Variants in NTAQ1 observed in about 807,000 individuals in gnomAD.
NTAQ1 encodes the protein protein N-terminal glutamine amidohydrolase.
A neutral mutation model predicts 28.2 loss-of-function variants in NTAQ1; 21 were observed. The ratio of observed to expected loss-of-function variants is 0.74; its 90% CI spans 0.53 to 1.07. The LOEUF (loss-of-function observed/expected upper bound fraction) is 1.07, where lower values mean the gene tolerates loss of function less well. NTAQ1 is among the 50% of genes least tolerant of loss of function. NTAQ1 has a pLI of 0.00. For synonymous variants in NTAQ1, 105 were observed against 90.0 expected, an observed-to-expected ratio of 1.17 and a Z score of -0.94; for missense variants, 264 against 256.6, an observed-to-expected ratio of 1.03 and a Z score of -0.20.
chr8:123,454,516 C>T (rs574988259), intron 6 of NTAQ1, among the ~76,000 whole-genome samples: 2 of 152,192 alleles, frequency 1.3e-5, no homozygotes, highest in South Asian at 2.1e-4. Context: ...TACAGGCATG[C>T]GCCACTATGC....
intron 1 of NTAQ1, among the ~76,000 whole-genome samples, chr8:123,423,317 T>TC (rs1813834510): frequency 9.6e-6 from 1 of 104,612 alleles, no homozygotes; most frequent in Non-Finnish European, 2.1e-5. Flanking sequence ...CTTCTCTTCT[T>TC]TTTTCTTTCT....
At chr8:123,445,939 T>TG (rs1759506332), downstream of NTAQ1, among the ~76,000 whole-genome samples, 1 of 151,568 alleles carries the variant, frequency 6.6e-6, no homozygotes, top group Non-Finnish European at 1.5e-5. Flanking sequence ...GGCTGCTGGT[T>TG]GTCCCACCAA....
At chr8:123,423,249 CTCCTTCCCTCCT>C (rs1483873763) in intron 1 of NTAQ1, among the ~76,000 whole-genome samples, 3 of 144,236 alleles carry the variant, frequency 2.1e-5, no homozygotes, top group Non-Finnish European at 4.5e-5. Flanking sequence ...CCTTCCCTCC[CTCCTTCCCTCCT>C]TTCTTTCTGT....
In NTAQ1 at chr8:123,436,505, A is replaced by G. The variant is rs768822462; in HGVS notation, c.287A>G (p.Tyr96Cys). 11 of 1,613,880 alleles carry G rather than the reference A, an allele frequency of 6.8e-6. No homozygotes were observed. The South Asian group carries it at 1.1e-4, about 16-fold the overall frequency. ...HVSSGGQNFIYDLDTVLPFPC... is the reference protein window; with the variant it reads ...HVSSGGQNFICDLDTVLPFPC... ...TCAAGTGGAGGACAGAACTTCATTTATGATCTCGATACTGTCTTGCCATTT... is the reference window on the plus strand; with the variant it reads ...TCAAGTGGAGGACAGAACTTCATTTGTGATCTCGATACTGTCTTGCCATTT... The change falls in exon 4 of 6, where the codon TAT becomes TGT. Residue 96 changes from tyrosine to cysteine, a missense_variant. Coordinates refer to ENST00000287387, the MANE Select transcript of NTAQ1 (RefSeq NM_018024.3).
At chr8:123,457,391 A>G (rs949991435) in intron 6 of NTAQ1, among the ~76,000 whole-genome samples, 1 of 152,154 alleles carries the variant, frequency 6.6e-6, no homozygotes, top group African/African-American at 2.4e-5. Flanking sequence ...AATCTTAAAC[A>G]TGATATAAAT....
chr8:123,435,433 C>T, intron 3 of NTAQ1: 1 of 983,784 alleles, frequency 1.0e-6, no homozygotes, highest in Non-Finnish European at 1.2e-6. Context: ...TCCTCCTTCT[C>T]CTCTCCAGGC....
In NTAQ1 at chr8:123,419,081, G is replaced by GTT. The variant is rs762479894; in HGVS notation, c.83+2183_83+2184dup. On this transcript the variant is annotated intron_variant, in intron 1 of 5. Transcript: ENST00000287387. The stretch of plus-strand genomic sequence containing the variant: ...TACTTTGGCTCCTGCAGCTTTGGGG[G>GTT]TTTTTTTTTTTTTTTTTTTTTTTTT... Among the ~76,000 whole-genome samples, 700 of 119,822 alleles carry GTT rather than the reference G, an allele frequency of 5.8e-3. 23 individuals carry two copies. The highest frequency in any genetic ancestry group is 7.2e-3 in the Non-Finnish European group (427 of 59,552). 78.6% of individuals were successfully genotyped at this position (119,822 alleles called of 152,430 possible). A position where few individuals can be genotyped will look rare whatever the true frequency, so the allele number is the denominator to read the frequency against.
intron 5 of NTAQ1, among the ~76,000 whole-genome samples, chr8:123,440,146 CTTTTTTTT>C (rs577877415): frequency 1.8e-5 from 1 of 56,572 alleles, no homozygotes; most frequent in Non-Finnish European, 3.0e-5. Context: ...GGATTAACTC[CTTTTTTTT>C]TTTTTTTTTT....
chr8:123,449,974 T>TATATATATATGTATATATATATATGA (rs371673968), downstream of NTAQ1, among the ~76,000 whole-genome samples: 3 of 56,080 alleles, frequency 5.3e-5, no homozygotes, highest in Admixed American at 8.5e-4. Flanking sequence ...TATATATATA[T>TATATATATATGTATATATATATATGA]GCTGGATAAA....
intron 6 of NTAQ1, among the ~76,000 whole-genome samples, chr8:123,464,290 G>A (rs1337192488): frequency 2.0e-5 from 3 of 152,144 alleles, no homozygotes; most frequent in East Asian, 1.9e-4. Flanking sequence ...ATGTGATCAC[G>A]GTAACTCCCT....
chr8:123,423,092 C>T (rs1443202163), intron 1 of NTAQ1, among the ~76,000 whole-genome samples: 1 of 152,170 alleles, frequency 6.6e-6, no homozygotes, highest in Non-Finnish European at 1.5e-5. Flanking sequence ...ACGCCTACAG[C>T]TTTGTTCTTT....
At chr8:123,470,694 A>G (rs897770217), downstream of NTAQ1, among the ~76,000 whole-genome samples, 4 of 152,196 alleles carry the variant, frequency 2.6e-5, no homozygotes, top group Non-Finnish European at 4.4e-5. Flanking sequence ...TTACAATAGA[A>G]GTTTATTTTC....
chr8:123,431,259 C>T (rs1039945950), intron 3 of NTAQ1, among the ~76,000 whole-genome samples: 1 of 150,822 alleles, frequency 6.6e-6, no homozygotes, highest in African/African-American at 2.4e-5. Flanking sequence ...ATTGCTTGAA[C>T]CTGGGAGGCA....
At chr8:123,474,325 C>T (rs1433309496), downstream of NTAQ1, among the ~76,000 whole-genome samples, 1 of 152,214 alleles carries the variant, frequency 6.6e-6, no homozygotes, top group African/African-American at 2.4e-5. Flanking sequence ...GATTTTGACA[C>T]TTCTGAGGAA....
At chr8:123,431,240 G>A (rs1639667975) in intron 3 of NTAQ1, among the ~76,000 whole-genome samples, 1 of 151,876 alleles carries the variant, frequency 6.6e-6, no homozygotes, top group Non-Finnish European at 1.5e-5. Flanking sequence ...GGGAGGCTGA[G>A]GCAGGAGAAT....
At position 123,441,293 on chromosome 8, in the gene NTAQ1, T is replaced by C; in HGVS notation, c.509-13T>C. 1 of 1,585,812 alleles carries C rather than the reference T, an allele frequency of 6.3e-7. No individual in the cohort carries two copies. The highest frequency in any genetic ancestry group is 8.6e-7 in the Non-Finnish European group (1 of 1,166,896). On this transcript the variant is annotated splice_polypyrimidine_tract_variant and intron_variant, in intron 5 of 5. Coordinates refer to ENST00000287387, the MANE Select transcript of NTAQ1 (RefSeq NM_018024.3). The stretch of plus-strand genomic sequence containing the variant: ...GTTTTCAGTGGACATTTTTTTTTCA[T>C]ATATTTTTTTAGATTCCAAAATGAA...
chr8:123,446,247 C>G (rs943870074), downstream of NTAQ1, among the ~76,000 whole-genome samples: 1 of 152,062 alleles, frequency 6.6e-6, no homozygotes, highest in Non-Finnish European at 1.5e-5. Context: ...TCAAGTGATT[C>G]CCCCCACCTC....
intron 5 of NTAQ1, among the ~76,000 whole-genome samples, chr8:123,438,790 T>C (rs1451747253): frequency 3.3e-5 from 5 of 152,182 alleles, no homozygotes; most frequent in Non-Finnish European, 7.3e-5. Flanking sequence ...TTTGAGGCTC[T>C]CTATGAAAAG....
rs1363574387 is a variant in NTAQ1, at chr8:123,416,941, G to T, written c.83+9G>T. 4 of 1,481,356 alleles carry T rather than the reference G, an allele frequency of 2.7e-6. No homozygotes were observed. The highest frequency in any genetic ancestry group is 2.2e-5 in the Admixed American group (1 of 44,446). 91.8% of individuals were successfully genotyped at this position (1,481,356 alleles called of 1,614,324 possible). A position where few individuals can be genotyped will look rare whatever the true frequency, so the allele number is the denominator to read the frequency against. On this transcript the variant is annotated intron_variant, in intron 1 of 5. Coordinates refer to ENST00000287387, the MANE Select transcript of NTAQ1 (RefSeq NM_018024.3). ...TACAGCAGCTGCTACTGGTGAGGGG[G>T]CGCGGGCGCAGCCTCTGGGTCTCCC...
Sources: allele counts gnomAD v4.1 joint callset (sites outside exome capture counted in the v4.1 genomes callset), GRCh38; gene constraint gnomAD v4.1.1; transcripts MANE v1.5; gene names NCBI Gene and HGNC (gene_info 2026-07-23, HGNC 2026-07-21).